Variants in NIM1K observed in about 807,000 individuals in gnomAD.
NIM1K encodes NIM1 serine/threonine protein kinase.
In NIM1K, 35 loss-of-function variants were observed where a neutral mutation model predicts 37.1. The ratio of observed to expected loss-of-function variants is 0.94; its 90% CI spans 0.72 to 1.25. NIM1K has a LOEUF of 1.25. Among genes scored for constraint, NIM1K ranks in the 50% most tolerant of loss-of-function variants. The pLI is 0.00. For missense variants in NIM1K, 564 were observed against 548.0 expected, an observed-to-expected ratio of 1.03 and a Z score of -0.29; for synonymous variants, 234 against 206.6, an observed-to-expected ratio of 1.13 and a Z score of -1.14.
chr5:43,231,733 C>T, intron 1 of NIM1K: 1 of 860,082 alleles, frequency 1.2e-6, no homozygotes, highest in Admixed American at 1.9e-5. Context: ...TAAAAATTAA[C>T]TGATCAGACC....
intron 1 of NIM1K, among the ~76,000 whole-genome samples, chr5:43,210,429 C>A (rs1460049027): frequency 6.6e-6 from 1 of 152,034 alleles, no homozygotes; most frequent in Admixed American, 6.6e-5. Context: ...GATAGAGATG[C>A]ATAAAATATC....
At chr5:43,236,796 C>A (rs925474679) in intron 1 of NIM1K, among the ~76,000 whole-genome samples, 1 of 152,188 alleles carries the variant, frequency 6.6e-6, no homozygotes, top group African/African-American at 2.4e-5. Flanking sequence ...TGAGGGTAGA[C>A]CTGGGCTGAG....
At chr5:43,242,452 G>A (rs1245783843) in intron 1 of NIM1K, among the ~76,000 whole-genome samples, 10 of 151,646 alleles carry the variant, frequency 6.6e-5, no homozygotes. Context: ...AAAGGGGCAG[G>A]GATGGGGGAG....
Position 43,266,155 on chromosome 5 carries a change from CAG to C in NIM1K, c.293-10901_293-10900del, listed in dbSNP as rs149358321. ...CACTACTCTCTTCAAAGCTGTCAGA[CAG>C]GGATGTTTAAGTCTGCAGAATTTTC... is the stretch of plus-strand genomic sequence containing the variant. On this transcript the variant is annotated intron_variant, in intron 2 of 3. Coordinates refer to ENST00000326035, the MANE Select transcript of NIM1K (RefSeq NM_153361.4). Among the ~76,000 whole-genome samples, 467 of 152,358 alleles carry C rather than the reference CAG, an allele frequency of 3.1e-3. 4 individuals are homozygous for C. Among genetic ancestry groups the C allele is most frequent in the African/African-American group, 0.011 (451 of 41,578 alleles).
chr5:43,261,847 C>A (rs1315734334), intron 2 of NIM1K, among the ~76,000 whole-genome samples: 3 of 152,200 alleles, frequency 2.0e-5, no homozygotes, highest in African/African-American at 7.2e-5. Context: ...GTTTTCCCAG[C>A]ACCACTTATT....
intron 2 of NIM1K, among the ~76,000 whole-genome samples, chr5:43,274,193 GC>G (rs1753304070): frequency 6.6e-6 from 1 of 152,150 alleles, no homozygotes; most frequent in Non-Finnish European, 1.5e-5. Flanking sequence ...TCTAGACCTG[GC>G]TCTGGGAGGG....
chr5:43,215,666 G>A lies in NIM1K; in HGVS notation c.-695+23255G>A, dbSNP rs138148806. Among the ~76,000 whole-genome samples, 329 of 152,276 alleles carry A rather than the reference G, an allele frequency of 2.2e-3. 2 individuals are homozygous for A. The highest frequency in any genetic ancestry group is 7.5e-3 in the African/African-American group (310 of 41,564). ...CCTGGCTAGTCCCCAGTCCCTGACC[G>A]CAAGTGATCTGCCCACCTGGGCCTC... On this transcript the variant is annotated intron_variant, in intron 1 of 3. Transcript: ENST00000326035.
Position 43,280,654 on chromosome 5 carries a change from A to G in NIM1K, c.1236A>G (p.Lys412=), listed in dbSNP as rs1409914634. The change falls in exon 4 of 4, where the codon AAA becomes AAG. Residue 412 remains lysine (K), a synonymous_variant. Coordinates refer to ENST00000326035, the MANE Select transcript of NIM1K (RefSeq NM_153361.4). ...SVPVMMLPDP[K]ERDLKKGSRV... ...CAGTCATGATGCTACCAGACCCTAA[A>G]GAAAGAGACCTCAAAAAAGGGTCCC... 1 of 1,613,826 alleles carries G rather than the reference A, an allele frequency of 6.2e-7. No homozygotes were observed. The highest frequency in any genetic ancestry group is 8.5e-7 in the Non-Finnish European group (1 of 1,179,986).
chr5:43,255,895 G>C (rs938480739), intron 2 of NIM1K, among the ~76,000 whole-genome samples: 1 of 151,508 alleles, frequency 6.6e-6, no homozygotes, highest in African/African-American at 2.4e-5. Flanking sequence ...GGCTATACAT[G>C]GGGGAACTCC....
intron 1 of NIM1K, among the ~76,000 whole-genome samples, chr5:43,219,170 A>ATTAAACC (rs1401869851): frequency 6.6e-6 from 1 of 152,146 alleles, no homozygotes; most frequent in African/African-American, 2.4e-5. Context: ...ACCATGAATT[A>ATTAAACC]TTAAACCTCT....
intron 1 of NIM1K, among the ~76,000 whole-genome samples, chr5:43,193,880 G>C (rs971995563): frequency 2.6e-5 from 4 of 152,166 alleles, no homozygotes; most frequent in African/African-American, 9.7e-5. Flanking sequence ...GTTCTCCAGA[G>C]GACCTTCTCT....
chr5:43,246,062 C>T lies in NIM1K; in HGVS notation c.287C>T (p.Thr96Ile), dbSNP rs1255353455. 2 of 1,608,936 alleles carry T rather than the reference C, an allele frequency of 1.2e-6. No individual in the cohort carries two copies. Among genetic ancestry groups the T allele is most frequent in the African/African-American group, 1.3e-5 (1 of 74,854 alleles). ...SQVKLGIHSL[T>I]KEKVAIKILD... ...GTGAAGCTTGGGATTCACTCCCTAA[C>T]CAAAGGTAGGATCCGACTTCCCAAG... The change falls in exon 2 of 4, where the codon ACC (threonine) becomes ATC (isoleucine). Residue 96 changes from threonine (T) to isoleucine (I), a missense_variant. Transcript: ENST00000326035.
chr5:43,245,111 CA>C lies in NIM1K; in HGVS notation c.-664del, dbSNP rs1752756056. The C allele has an allele frequency of 6.6e-6, 1 of 152,228 alleles. No individual in the cohort carries two copies. The highest frequency in any genetic ancestry group is 1.5e-5 in the Non-Finnish European group (1 of 68,052). The allele number at this position is 152,228 out of a possible 1,614,324, so 9.4% of individuals were successfully genotyped here. ...AACCAGCCAAATTTTCGAGACAGCT[CA>C]CGGCTTAGAGGAAGGTTCATCTAAA... On this transcript the variant is annotated 5_prime_UTR_variant, in exon 2 of 4. Transcript: ENST00000326035.
chr5:43,279,484 A>G (rs1051859872), intron 3 of NIM1K, among the ~76,000 whole-genome samples: 1 of 152,182 alleles, frequency 6.6e-6, no homozygotes, highest in African/African-American at 2.4e-5. Flanking sequence ...CCCACAATCC[A>G]CAGTGTGTTC....
chr5:43,248,826 C>T (rs1752823162), intron 2 of NIM1K, among the ~76,000 whole-genome samples: 1 of 151,358 alleles, frequency 6.6e-6, no homozygotes, highest in Non-Finnish European at 1.5e-5. Context: ...GGCAGTCAGG[C>T]AGAAGCAGTT....
chr5:43,219,087 T>C (rs1242024551), intron 1 of NIM1K, among the ~76,000 whole-genome samples: 3 of 152,202 alleles, frequency 2.0e-5, no homozygotes, highest in African/African-American at 7.2e-5. Context: ...GCTGCTATCA[T>C]GTGAAGGAGG....
chr5:43,269,428 T>C (rs1753221645), intron 2 of NIM1K, among the ~76,000 whole-genome samples: 1 of 151,884 alleles, frequency 6.6e-6, no homozygotes, highest in African/African-American at 2.4e-5. Context: ...ATGCATTAGA[T>C]GAGTCTCTTG....
chr5:43,213,310 C>CTTTTCTTTTG (rs1358148947), intron 1 of NIM1K, among the ~76,000 whole-genome samples: 11 of 105,502 alleles, frequency 1.0e-4, no homozygotes, highest in African/African-American at 3.2e-4. Flanking sequence ...CTTTTCTTTT[C>CTTTTCTTTTG]TTTTCTTTTC....
chr5:43,272,433 C>G (rs1280818566), intron 2 of NIM1K, among the ~76,000 whole-genome samples: 4 of 152,136 alleles, frequency 2.6e-5, no homozygotes, highest in African/African-American at 7.2e-5. Flanking sequence ...TACTCTCCAC[C>G]CTTCTTCATT....
Sources: gnomAD v4.1 joint callset for allele counts (sites outside exome capture counted in the v4.1 genomes callset) on GRCh38, gnomAD v4.1.1 for gene constraint, MANE v1.5 for transcripts, NCBI Gene and HGNC (gene_info 2026-07-23, HGNC 2026-07-21) for gene names.